CLEC16A: variants seen among roughly 807,000 people sequenced by gnomAD.
CLEC16A encodes protein CLEC16A.
A neutral mutation model predicts 109.5 loss-of-function variants in CLEC16A; 51 were observed. The ratio of observed to expected loss-of-function variants is 0.47; its 90% CI spans 0.37 to 0.59. The LOEUF (loss-of-function observed/expected upper bound fraction) is 0.59, where lower values mean the gene tolerates loss of function less well. CLEC16A is among the 20% of genes least tolerant of loss of function. The pLI, the probability that CLEC16A is intolerant of heterozygous loss-of-function variation, is 0.00. For synonymous variants in CLEC16A, 673 were observed against 564.2 expected (o/e 1.19, Z -2.73); for missense variants, 1,339 against 1,394.0 (o/e 0.96, Z 0.63).
intron 1 of CLEC16A, among the ~76,000 whole-genome samples, chr16:10,950,541 G>A (rs1237357012): frequency 1.3e-5 from 2 of 152,170 alleles, no homozygotes; most frequent in Non-Finnish European, 2.9e-5. Context: ...GGCCCTGTTT[G>A]ACATCTTTGG....
At chr16:11,033,036 C>A (rs2046833015) in intron 13 of CLEC16A, among the ~76,000 whole-genome samples, 2 of 151,910 alleles carry the variant, frequency 1.3e-5, no homozygotes, top group African/African-American at 2.4e-5. Context: ...TGCTAAGAAG[C>A]TGTTGCAGTC....
At chr16:11,014,875 A>G (rs1426577094) in intron 11 of CLEC16A, among the ~76,000 whole-genome samples, 1 of 152,202 alleles carries the variant, frequency 6.6e-6, no homozygotes, top group Non-Finnish European at 1.5e-5. Context: ...CTTCAGGTGT[A>G]GCACTATGAG....
intron 22 of CLEC16A, among the ~76,000 whole-genome samples, chr16:11,135,120 G>C (rs550606062): frequency 2.0e-5 from 3 of 152,348 alleles, no homozygotes; most frequent in African/African-American, 7.2e-5. Flanking sequence ...AAAAGCAGCA[G>C]GATTTGAGCC....
At chr16:11,103,600 C>A (rs1476985397) in intron 19 of CLEC16A, among the ~76,000 whole-genome samples, 1 of 152,112 alleles carries the variant, frequency 6.6e-6, no homozygotes, top group African/African-American at 2.4e-5. Flanking sequence ...AAATAAATCA[C>A]CTCCTGCAAG....
At chr16:10,971,394 C>A (rs1018214855) in intron 5 of CLEC16A, 164 bp downstream of exon 5, 1 of 386,612 alleles carries the variant, frequency 2.6e-6, no homozygotes, top group Non-Finnish European at 3.5e-6. Flanking sequence ...TAGCATTTAG[C>A]TGGCCGCTCA....
chr16:11,113,748 G>A (rs1320831369), intron 19 of CLEC16A, among the ~76,000 whole-genome samples: 1 of 152,184 alleles, frequency 6.6e-6, no homozygotes, highest in Non-Finnish European at 1.5e-5. Flanking sequence ...TGGCTCTCTT[G>A]AACTCTCTGG....
At chr16:11,018,648 C>T (rs1476580098) in intron 11 of CLEC16A, among the ~76,000 whole-genome samples, 1 of 150,066 alleles carries the variant, frequency 6.7e-6, no homozygotes, top group Non-Finnish European at 1.5e-5. Context: ...ACTCAGGAGG[C>T]TGAGGCAGGA....
intron 22 of CLEC16A, among the ~76,000 whole-genome samples, chr16:11,164,321 T>C (rs1197002561): frequency 1.3e-5 from 2 of 152,126 alleles, no homozygotes; most frequent in Non-Finnish European, 2.9e-5. Flanking sequence ...AAAACCCAAC[T>C]GGGGGTATAA....
intron 22 of CLEC16A, among the ~76,000 whole-genome samples, chr16:11,142,553 A>G (rs2053885634): frequency 6.6e-6 from 1 of 152,238 alleles, no homozygotes; most frequent in African/African-American, 2.4e-5. Context: ...TTTAAAAATC[A>G]TAATAAGGCA....
At chr16:11,151,748 T>C (rs2054298103) in intron 22 of CLEC16A, among the ~76,000 whole-genome samples, 1 of 152,162 alleles carries the variant, frequency 6.6e-6, no homozygotes. Flanking sequence ...TTCAGTCCGT[T>C]AAGCTCATGG....
At chr16:11,168,477 C>A (rs868687318) in intron 23 of CLEC16A, among the ~76,000 whole-genome samples, 28 of 152,274 alleles carry the variant, frequency 1.8e-4, no homozygotes, top group Admixed American at 1.8e-3. Flanking sequence ...TGCAGCATGA[C>A]AGTAAAAGCC....
intron 19 of CLEC16A, among the ~76,000 whole-genome samples, chr16:11,072,180 G>A (rs1293269462): frequency 6.6e-6 from 1 of 152,186 alleles, no homozygotes; most frequent in African/African-American, 2.4e-5. Flanking sequence ...AGAGTGCAGT[G>A]GCACAGTCTT....
In CLEC16A at chr16:10,944,597, TCGCGGTTCCTCCAC is replaced by T; in HGVS notation, c.-117_-104del. ...GCTGTGGGCCGGGGAGGAAGGCGGC[TCGCGGTTCCTCCAC>T]CGCCTCCGCCGCCGCATCCTCCGCT... On this transcript the variant is annotated 5_prime_UTR_variant, in exon 1 of 24. Transcript: ENST00000409790. 1.1e-6 allele frequency: 1 copy of T among 949,194 alleles called. No homozygotes were observed. Among genetic ancestry groups the T allele is most frequent in the Non-Finnish European group, 1.6e-6 (1 of 636,330 alleles). 58.8% of individuals were successfully genotyped at this position (949,194 alleles called of 1,614,324 possible). A position where few individuals can be genotyped will look rare whatever the true frequency, so the allele number is the denominator to read the frequency against.
intron 19 of CLEC16A, among the ~76,000 whole-genome samples, chr16:11,118,920 C>A (rs2052201261): frequency 6.6e-6 from 1 of 152,200 alleles, no homozygotes; most frequent in Non-Finnish European, 1.5e-5. Flanking sequence ...ATGTTCTTAT[C>A]AGTTTCATTG....
At position 11,045,190 on chromosome 16, in the gene CLEC16A, C is replaced by CA. The variant is rs1388280240; in HGVS notation, c.1815+1126dup. Reference sequence around the variant, plus strand: ...GAAACCCTGTCTTTACTAAGAAATACAAAAAAAATTAGCCTGGCATGGTGG... The same window carrying CA: ...GAAACCCTGTCTTTACTAAGAAATACAAAAAAAAATTAGCCTGGCATGGTGG... On this transcript the variant is annotated intron_variant, in intron 16 of 23. Coordinates refer to ENST00000409790, the MANE Select transcript of CLEC16A (RefSeq NM_015226.3). Among the ~76,000 whole-genome samples the CA allele has an allele frequency of 2.9e-3, 439 of 150,444 alleles. 1 individual carries two copies. Among genetic ancestry groups the CA allele is most frequent in the African/African-American group, 0.01 (413 of 40,952 alleles).
At chr16:10,956,953 C>G (rs930796662) in intron 1 of CLEC16A, among the ~76,000 whole-genome samples, 1 of 152,128 alleles carries the variant, frequency 6.6e-6, no homozygotes, top group Non-Finnish European at 1.5e-5. Flanking sequence ...TTCGCCACCA[C>G]ACCCAGCTAA....
chr16:11,110,337 A>G (rs2051498861), intron 19 of CLEC16A, among the ~76,000 whole-genome samples: 1 of 152,156 alleles, frequency 6.6e-6, no homozygotes, highest in Non-Finnish European at 1.5e-5. Flanking sequence ...GTCAAGAATG[A>G]CAGGCACTGG....
rs972478548 is a variant in CLEC16A at position 10,969,861 on chromosome 16, G to T, written c.492+552G>T. Among the ~76,000 whole-genome samples, 3 of 152,136 alleles carry T rather than the reference G, an allele frequency of 2.0e-5. 1 individual carries two copies. The highest frequency in any genetic ancestry group is 4.1e-4 in the South Asian group (2 of 4,826). On this transcript the variant is annotated intron_variant, in intron 4 of 23. Coordinates refer to ENST00000409790, the MANE Select transcript of CLEC16A (RefSeq NM_015226.3). ...TCAGTTTCCTCATCTGAGAAATGGGGATAAGAATATACATCTTGTAGGGTT... is the reference window on the plus strand; with the variant it reads ...TCAGTTTCCTCATCTGAGAAATGGGTATAAGAATATACATCTTGTAGGGTT...
intron 22 of CLEC16A, among the ~76,000 whole-genome samples, chr16:11,127,203 G>A (rs940316795): frequency 2.0e-5 from 3 of 152,144 alleles, no homozygotes; most frequent in African/African-American, 7.2e-5. Context: ...GGGGTATACC[G>A]TATGTCTGAT....
Sources: allele counts gnomAD v4.1 joint callset (sites outside exome capture counted in the v4.1 genomes callset), GRCh38; gene constraint gnomAD v4.1.1; transcripts MANE v1.5; gene names NCBI Gene and HGNC (gene_info 2026-07-23, HGNC 2026-07-21).